The following FUBP1 variants were observed in gnomAD, a reference collection of about 807,000 sequenced individuals.
FUBP1 encodes the protein far upstream element-binding protein 1.
A neutral mutation model predicts 94.9 loss-of-function variants in FUBP1; 16 were observed. The observed-to-expected ratio is 0.17, with a 90% confidence interval of 0.11 to 0.26. FUBP1 has a LOEUF of 0.26. Among genes scored for constraint, FUBP1 ranks in the 10% least tolerant of loss-of-function variants. The pLI, the probability that FUBP1 is intolerant of heterozygous loss-of-function variation, is 1.00. For synonymous variants in FUBP1, 279 were observed against 254.9 expected, an observed-to-expected ratio of 1.09 and a Z score of -0.90; for missense variants, 583 against 808.6, an observed-to-expected ratio of 0.72 and a Z score of 3.38.
At chr1:77,963,002 C>G (rs1655793884) in intron 13 of FUBP1, 72 bp from the exon 14 acceptor site, 1 of 994,850 alleles carries the variant, frequency 1.0e-6, no homozygotes, top group Admixed American at 2.3e-5. Flanking sequence ...AGAAAATGGT[C>G]ACAATTAAAT....
At chr1:77,970,428 T>C (rs958833644) in intron 1 of FUBP1, among the ~76,000 whole-genome samples, 1 of 152,216 alleles carries the variant, frequency 6.6e-6, no homozygotes, top group Non-Finnish European at 1.5e-5. Context: ...GGTTATTGAG[T>C]ACTCAAAATG....
At position 77,949,313 on chromosome 1, in the gene FUBP1, A is replaced by G. The variant is rs751256080; in HGVS notation, c.1781-13T>C. ...GGAACTGCCTGACCTTTGAAAAAAA[A>G]GAACTTTGTTGCTGTAACCACAATT... is the stretch of plus-strand genomic sequence containing the variant. On this transcript the variant is annotated splice_polypyrimidine_tract_variant and intron_variant, in intron 18 of 19. Coordinates refer to ENST00000370768, the MANE Select transcript of FUBP1 (RefSeq NM_003902.5). 6.2e-7 allele frequency: 1 copy of G among 1,610,516 alleles called. No homozygotes were observed. Among genetic ancestry groups the G allele is most frequent in the Non-Finnish European group, 8.5e-7 (1 of 1,177,840 alleles).
At chr1:77,952,169 T>C (rs903330905) in intron 18 of FUBP1, among the ~76,000 whole-genome samples, 5 of 151,832 alleles carry the variant, frequency 3.3e-5, no homozygotes, top group Admixed American at 2.0e-4. Flanking sequence ...ACCTGGGAGG[T>C]GGATGCTGCA....
Position 77,962,725 on chromosome 1 carries a change from G to C in FUBP1, c.1344+45C>G, listed in dbSNP as rs778604853. 7.6e-6 allele frequency: 10 copies of C among 1,311,338 alleles called. 1 individual carries two copies. In the South Asian group the frequency reaches 7.7e-5, roughly 10 times the overall value. The allele number at this position is 1,311,338 out of a possible 1,614,324, so 81.2% of individuals were successfully genotyped here. Reference sequence around the variant, plus strand: ...GAATAAACGTCTTAATTTAACTACAGTCTAAGGGTCTACACTAAAAATTAA... The same window carrying C: ...GAATAAACGTCTTAATTTAACTACACTCTAAGGGTCTACACTAAAAATTAA... On this transcript the variant is annotated intron_variant, in intron 14 of 19. Transcript: ENST00000370768.
At chr1:77,951,978 C>T (rs1222358743) in intron 18 of FUBP1, among the ~76,000 whole-genome samples, 2 of 152,162 alleles carry the variant, frequency 1.3e-5, no homozygotes, top group African/African-American at 4.8e-5. Flanking sequence ...AATGTCTTCA[C>T]TTCTCCAAAC....
intron 16 of FUBP1, 71 bp from the exon 17 acceptor site, chr1:77,956,771 C>A (rs992952102): frequency 8.3e-6 from 9 of 1,088,584 alleles, no homozygotes; most frequent in South Asian, 3.8e-5. Flanking sequence ...ACACACCACC[C>A]CCCCGCCCAG....
At position 77,967,654 on chromosome 1, in the gene FUBP1, T is replaced by A. The variant is rs1415640741; in HGVS notation, c.263A>T (p.Gln88Leu). The change falls in exon 4 of 20, where the codon CAG (glutamine) becomes CTG (leucine). Residue 88 changes from glutamine to leucine, a missense_variant. Transcript: ENST00000370768. ...VAPQNDSFGT[Q>L]LPPMHQQQSR... ...TTGCTGCTGATGCATCGGTGGTAAC[T>A]GTGTTCCAAAAGCTATCAAAAAATT... 6.3e-7 allele frequency: 1 copy of A among 1,580,538 alleles called. No homozygotes were observed. The highest frequency in any genetic ancestry group is 1.7e-5 in the Admixed American group (1 of 59,552).
At chr1:77,960,869 A>G (rs760678861) in intron 14 of FUBP1, 9 of 187,634 alleles carry the variant, frequency 4.8e-5, no homozygotes, top group South Asian at 2.0e-4. Flanking sequence ...TCTTCTCTCT[A>G]TATCTACTTG....
chr1:77,948,625 CAAAA>C lies in FUBP1; in HGVS notation c.*137_*140del, dbSNP rs60897865. On this transcript the variant is annotated 3_prime_UTR_variant, in exon 20 of 20. Transcript: ENST00000370768. ...TAGTGATAGATATTTTGTACATTTT[CAAAA>C]AAAAAAAAAAAAAAGGAAACACTAT... 657 of 976,818 alleles carry C rather than the reference CAAAA, an allele frequency of 6.7e-4. No homozygotes were observed. The highest frequency in any genetic ancestry group is 1.2e-3 in the South Asian group (43 of 37,312). The allele number at this position is 976,818 out of a possible 1,614,324, so 60.5% of individuals were successfully genotyped here.
chr1:77,964,795 T>C (rs1463836555), intron 9 of FUBP1, 48 bp from the exon 10 acceptor site: 1 of 1,506,634 alleles, frequency 6.6e-7, no homozygotes, highest in South Asian at 1.1e-5. Flanking sequence ...CTCAAAACAT[T>C]TTAATTATTC....
In FUBP1 at chr1:77,963,633, C is replaced by A. The variant is rs2102384606; in HGVS notation, c.1124G>T (p.Gly375Val). ...CACAATAAAATTAAATTCCTGTAGT[C>A]CACCAGGTGGTCCCATGTTCCAGTT... Reference protein sequence around the residue: ...QGNWNMGPPGGLQEFNFIVPT... With the variant: ...QGNWNMGPPGVLQEFNFIVPT... Residue 375 changes from glycine (G) to valine (V), a missense_variant, in exon 13 of 20, where the codon GGA (glycine) becomes GTA (valine). Gly to Val is a moderately radical substitution (Grantham distance 109, BLOSUM62 -3). Coordinates refer to ENST00000370768, the MANE Select transcript of FUBP1 (RefSeq NM_003902.5). 1 of 1,601,084 alleles carries A rather than the reference C, an allele frequency of 6.2e-7. No individual in the cohort carries two copies. Among genetic ancestry groups the A allele is most frequent in the Non-Finnish European group, 8.6e-7 (1 of 1,168,158 alleles).
At chr1:77,960,050 G>T in intron 16 of FUBP1, 134 bp downstream of exon 16, 1 of 667,622 alleles carries the variant, frequency 1.5e-6, no homozygotes, top group South Asian at 1.9e-5. Flanking sequence ...GGTAGAGGCA[G>T]TGCCTAACAC....
At position 77,955,314 on chromosome 1, in the gene FUBP1, G is replaced by T; in HGVS notation, c.1721C>A (p.Pro574Gln). The T allele has an allele frequency of 6.3e-7, 1 of 1,575,860 alleles. No homozygotes were observed. The highest frequency in any genetic ancestry group is 8.7e-7 in the Non-Finnish European group (1 of 1,145,298). Residue 574 changes from proline (P) to glutamine (Q), a missense_variant, in exon 18 of 20, where the codon CCA (proline) becomes CAA (glutamine). Coordinates refer to ENST00000370768, the MANE Select transcript of FUBP1 (RefSeq NM_003902.5). ...QTNGQGDQQN[P>Q]APAGQVDYTK... Reference sequence around the variant, plus strand: ...ATAATCAACCTGTCCAGCTGGGGCTGGATTCTGCTGATCTCCTTGTTCAAG... The same window carrying T: ...ATAATCAACCTGTCCAGCTGGGGCTTGATTCTGCTGATCTCCTTGTTCAAG...
At chr1:77,967,705 A>AT in intron 3 of FUBP1, 39 bp from the exon 4 acceptor site, 3 of 1,219,012 alleles carry the variant, frequency 2.5e-6, no homozygotes, top group Non-Finnish European at 3.5e-6. Context: ...AAAAATTCAA[A>AT]ATTTAAATTT....
intron 18 of FUBP1, among the ~76,000 whole-genome samples, chr1:77,952,384 A>G (rs1190002582): frequency 6.7e-6 from 1 of 148,350 alleles, no homozygotes; most frequent in Non-Finnish European, 1.5e-5. Context: ...TTTTTTTTTC[A>G]GTAAATAAGC....
At position 77,964,155 on chromosome 1, in the gene FUBP1, C is replaced by A; in HGVS notation, c.948G>T (p.Gly316=). The change falls in exon 12 of 20, where the codon GGG becomes GGT. Residue 316 remains glycine, a synonymous_variant. Coordinates refer to ENST00000370768, the MANE Select transcript of FUBP1 (RefSeq NM_003902.5). Reference sequence around the variant, plus strand: ...TTTGTGCTATCCTTTCGGGTGTTGTCCCATCATCTTCAAAACAAAGAAACA... The same window carrying A: ...TTTGTGCTATCCTTTCGGGTGTTGTACCATCATCTTCAAAACAAAGAAACA... ...GVRIQFKPDD[G]TTPERIAQIT... The A allele has an allele frequency of 6.2e-7, 1 of 1,601,462 alleles. No individual in the cohort carries two copies. The highest frequency in any genetic ancestry group is 8.6e-7 in the Non-Finnish European group (1 of 1,168,534).
chr1:77,968,867 C>T (rs868281239), intron 2 of FUBP1, among the ~76,000 whole-genome samples: 13 of 152,090 alleles, frequency 8.5e-5, no homozygotes, highest in African/African-American at 2.4e-4. Context: ...TCTCCTCCCC[C>T]CTTCAAACTT....
chr1:77,978,455 T>C (rs954889390), intron 1 of FUBP1, among the ~76,000 whole-genome samples: 7 of 152,234 alleles, frequency 4.6e-5, no homozygotes, highest in African/African-American at 1.7e-4. Context: ...GGAAATGAGC[T>C]GTAAAGGCTA....
intron 1 of FUBP1, among the ~76,000 whole-genome samples, chr1:77,978,301 G>A (rs1426480875): frequency 6.6e-6 from 1 of 152,176 alleles, no homozygotes; most frequent in East Asian, 1.9e-4. Context: ...TGGGCCTGAG[G>A]CCATTTTGAG....
Sources: gnomAD v4.1 joint callset for allele counts (sites outside exome capture counted in the v4.1 genomes callset) on GRCh38, gnomAD v4.1.1 for gene constraint, MANE v1.5 for transcripts, NCBI Gene and HGNC (gene_info 2026-07-23, HGNC 2026-07-21) for gene names.